PLPP4: variants seen among roughly 807,000 people sequenced by gnomAD.
The protein encoded by PLPP4 is diacylglycerol pyrophosphate like 2.
In PLPP4, 20 loss-of-function variants were observed where a neutral mutation model predicts 32.2. That is an observed-to-expected ratio of 0.62 (90% CI 0.44 to 0.90). The LOEUF is 0.90. PLPP4 is among the 40% of genes least tolerant of loss of function. The pLI is 0.00. For missense variants in PLPP4, 257 were observed against 353.1 expected (o/e 0.73, Z 2.18); for synonymous variants, 127 against 133.0 (o/e 0.95, Z 0.31).
chr10:120,500,424 C>T (rs889451494), intron 1 of PLPP4, among the ~76,000 whole-genome samples: 23 of 152,130 alleles, frequency 1.5e-4, no homozygotes, highest in Admixed American at 5.9e-4. Flanking sequence ...TATCCCTCAT[C>T]CACCTGCTTT....
At chr10:120,490,701 A>G (rs1844680894) in intron 1 of PLPP4, among the ~76,000 whole-genome samples, 1 of 152,226 alleles carries the variant, frequency 6.6e-6, no homozygotes, top group Non-Finnish European at 1.5e-5. Flanking sequence ...CATGGGTGTC[A>G]GGTCAGGACT....
intron 1 of PLPP4, among the ~76,000 whole-genome samples, chr10:120,486,954 T>A (rs1256689058): frequency 1.3e-5 from 2 of 152,248 alleles, no homozygotes; most frequent in Non-Finnish European, 2.9e-5. Flanking sequence ...ATTGTGGGAT[T>A]CAGAAGGGGT....
intron 1 of PLPP4, among the ~76,000 whole-genome samples, chr10:120,500,330 C>T (rs1845182850): frequency 6.6e-6 from 1 of 152,180 alleles, no homozygotes; most frequent in African/African-American, 2.4e-5. Context: ...GTTCTGGGGT[C>T]TCACAGAGTG....
At position 120,520,115 on chromosome 10, in the gene PLPP4, G is replaced by C. The variant is rs1213651480; in HGVS notation, c.321-856G>C. Among the ~76,000 whole-genome samples the C allele has an allele frequency of 2.6e-5, 4 of 152,182 alleles. No individual in the cohort carries two copies. The East Asian group carries it at 7.7e-4, about 29-fold the overall frequency. On this transcript the variant is annotated intron_variant, in intron 4 of 6. Transcript: ENST00000398250. ...GCAGGTGTGTGGAGCTTAGCACTGT[G>C]TCTGAAGCCTAGTAAGCACTCAGGA...
At chr10:120,515,154 A>G (rs570498642) in intron 3 of PLPP4, among the ~76,000 whole-genome samples, 1 of 152,180 alleles carries the variant, frequency 6.6e-6, no homozygotes, top group Non-Finnish European at 1.5e-5. Context: ...AGCTCAAATA[A>G]ATTAGGGGTT....
chr10:120,543,987 C>T (rs1433883289), intron 5 of PLPP4, among the ~76,000 whole-genome samples: 2 of 152,250 alleles, frequency 1.3e-5, no homozygotes, highest in African/African-American at 2.4e-5. Flanking sequence ...TTTATGTGTA[C>T]GTGACATTTT....
chr10:120,480,232 G>A (rs1430419476), intron 1 of PLPP4, among the ~76,000 whole-genome samples: 2 of 152,134 alleles, frequency 1.3e-5, no homozygotes, highest in Admixed American at 1.3e-4. Context: ...TGAGTGTGTT[G>A]CCCCCTTGAG....
intron 3 of PLPP4, 144 bp downstream of exon 3, chr10:120,514,145 C>A: frequency 2.8e-6 from 2 of 714,438 alleles, no homozygotes; most frequent in Non-Finnish European, 2.5e-6. Context: ...TAAAGATAAA[C>A]TTTAAGCCCA....
intron 2 of PLPP4, among the ~76,000 whole-genome samples, chr10:120,504,513 C>A (rs536983085): frequency 6.6e-6 from 1 of 152,332 alleles, no homozygotes; most frequent in South Asian, 2.1e-4. Flanking sequence ...TCTAGACATG[C>A]CTGAGTAAGC....
intron 5 of PLPP4, among the ~76,000 whole-genome samples, chr10:120,528,969 C>CTGAGA (rs1846564121): frequency 4.8e-5 from 6 of 125,126 alleles, no homozygotes; most frequent in African/African-American, 1.7e-4. Context: ...GGCAAGAGCC[C>CTGAGA]CTCATGTTTT....
chr10:120,499,836 ATTCCAAACCAC>A (rs796568097), intron 1 of PLPP4, among the ~76,000 whole-genome samples: 72 of 151,934 alleles, frequency 4.7e-4, no homozygotes, highest in African/African-American at 1.6e-3. Context: ...CATTTCTTGG[ATTCCAAACCAC>A]TTCCAAACCA....
intron 4 of PLPP4, among the ~76,000 whole-genome samples, chr10:120,520,018 C>T (rs1846086237): frequency 6.6e-6 from 1 of 152,192 alleles, no homozygotes; most frequent in Non-Finnish European, 1.5e-5. Context: ...GAAGAGCCTT[C>T]ATTTTTGCAC....
chr10:120,481,983 A>G (rs1844227574), intron 1 of PLPP4, among the ~76,000 whole-genome samples: 1 of 152,198 alleles, frequency 6.6e-6, no homozygotes, highest in Non-Finnish European at 1.5e-5. Context: ...CATGTAAGAC[A>G]TGACTTGCTT....
chr10:120,547,241 A>G (rs1847668155), intron 5 of PLPP4, among the ~76,000 whole-genome samples: 1 of 151,864 alleles, frequency 6.6e-6, no homozygotes, highest in South Asian at 2.1e-4. Flanking sequence ...AGAAGAAATA[A>G]ATGCCTTTCA....
intron 1 of PLPP4, among the ~76,000 whole-genome samples, chr10:120,488,754 T>C (rs956951765): frequency 5.9e-5 from 9 of 152,068 alleles, no homozygotes; most frequent in South Asian, 4.2e-4. Context: ...AGCCCACCCA[T>C]TGTCCCACCC....
chr10:120,588,844 G>A (rs1018942577), intron 6 of PLPP4, among the ~76,000 whole-genome samples: 2 of 152,172 alleles, frequency 1.3e-5, no homozygotes, highest in African/African-American at 2.4e-5. Flanking sequence ...TCAGGAGTTC[G>A]AGACCAGCCT....
intron 1 of PLPP4, among the ~76,000 whole-genome samples, chr10:120,484,918 A>C (rs1170619721): frequency 6.6e-6 from 1 of 152,218 alleles, no homozygotes; most frequent in Non-Finnish European, 1.5e-5. Context: ...AAAAGTGGAA[A>C]AGAAGAGGCA....
intron 1 of PLPP4, among the ~76,000 whole-genome samples, chr10:120,471,649 C>T (rs1199113530): frequency 6.6e-6 from 1 of 151,930 alleles, no homozygotes; most frequent in Non-Finnish European, 1.5e-5. Context: ...ACATATGGCT[C>T]TCGTAAATAG....
intron 2 of PLPP4, among the ~76,000 whole-genome samples, chr10:120,507,370 CATCATCATCATCATCATT>C (rs1341602006): frequency 1.1e-3 from 162 of 152,018 alleles, no homozygotes; most frequent in Middle Eastern, 3.4e-3. Flanking sequence ...TTATCATCAT[CATCATCATCATCATCATT>C]ATCATCATCA....
Sources: gnomAD v4.1 joint callset for allele counts (sites outside exome capture counted in the v4.1 genomes callset) on GRCh38, gnomAD v4.1.1 for gene constraint, MANE v1.5 for transcripts, NCBI Gene and HGNC (gene_info 2026-07-23, HGNC 2026-07-21) for gene names.